The following SLC9C2 variants were observed in gnomAD, a reference collection of about 807,000 sequenced individuals.
SLC9C2 encodes the protein solute carrier family 9 member C2 (putative), also known as sodium/hydrogen exchanger 11.
Under a neutral mutation model 140.2 loss-of-function variants are expected in SLC9C2, and 75 were observed. The observed-to-expected ratio is 0.53, with a 90% CI of 0.44 to 0.65. The LOEUF (loss-of-function observed/expected upper bound fraction) is 0.65. SLC9C2 is among the 30% of genes least tolerant of loss of function. SLC9C2 has a pLI of 0.00. For synonymous variants in SLC9C2, 375 were observed against 420.9 expected (o/e 0.89, Z 1.34); for missense variants, 1,074 against 1,331.8 (o/e 0.81, Z 3.01).
intron 21 of SLC9C2, among the ~76,000 whole-genome samples, chr1:173,523,052 C>G (rs1316456636): frequency 6.6e-6 from 1 of 152,186 alleles, no homozygotes; most frequent in African/African-American, 2.4e-5. Flanking sequence ...TTGTCTGTCT[C>G]CATCCATACA....
At chr1:173,508,767 T>A (rs996282437) in intron 24 of SLC9C2, among the ~76,000 whole-genome samples, 1 of 152,192 alleles carries the variant, frequency 6.6e-6, no homozygotes, top group Non-Finnish European at 1.5e-5. Flanking sequence ...CAATAGTTAC[T>A]AAATAGGATA....
At chr1:173,514,455 A>G (rs550241809) in intron 23 of SLC9C2, among the ~76,000 whole-genome samples, 1 of 152,004 alleles carries the variant, frequency 6.6e-6, no homozygotes, top group Admixed American at 6.6e-5. Flanking sequence ...CCGTTTTGTC[A>G]GAGACTAGTA....
Position 173,529,918 on chromosome 1 carries a change from T to A in SLC9C2, c.2300A>T (p.Glu767Val). ...CTTGTTTCTCACCTGATATATTGATTCACAGACAGCTATTTGTTTTATTAG... is the reference window on the plus strand; with the variant it reads ...CTTGTTTCTCACCTGATATATTGATACACAGACAGCTATTTGTTTTATTAG... ...KLLIKQIAVCESIYQKLCEIL... is the reference protein window; with the variant it reads ...KLLIKQIAVCVSIYQKLCEIL... The change falls in exon 18 of 28, where the codon GAA becomes GTA. Residue 767 changes from glutamate (E) to valine (V), a missense_variant. By Grantham distance (121) the Glu-to-Val change is moderately radical (BLOSUM62 -2). Transcript: ENST00000367714. 6.2e-7 allele frequency: 1 copy of A among 1,609,702 alleles called. No homozygotes were observed. The highest frequency in any genetic ancestry group is 8.5e-7 in the Non-Finnish European group (1 of 1,178,990).
Position 173,555,558 on chromosome 1 carries a change from C to T in SLC9C2, c.1216-744G>A, listed in dbSNP as rs144453465. On this transcript the variant is annotated intron_variant, in intron 10 of 27. Coordinates refer to ENST00000367714, the MANE Select transcript of SLC9C2 (RefSeq NM_178527.4). Reference sequence around the variant, plus strand: ...CTAGGGTGGGATTCTTAACACCAGACAGAATTAAGAAACACTGTGAAATGA... The same window carrying T: ...CTAGGGTGGGATTCTTAACACCAGATAGAATTAAGAAACACTGTGAAATGA... 5.4e-3 allele frequency among the ~76,000 whole-genome samples: 816 copies of T among 152,272 alleles called. 5 individuals carry two copies. The highest frequency in any genetic ancestry group is 0.017 in the African/African-American group (714 of 41,546).
intron 26 of SLC9C2, among the ~76,000 whole-genome samples, 193 bp downstream of exon 26, chr1:173,505,054 G>A (rs776538271): frequency 5.3e-5 from 8 of 152,168 alleles, no homozygotes; most frequent in Non-Finnish European, 1.2e-4. Flanking sequence ...GAGCCACCTG[G>A]ATTTTAGGGT....
At chr1:173,529,138 A>C (rs1486042515) in intron 18 of SLC9C2, among the ~76,000 whole-genome samples, 2 of 152,252 alleles carry the variant, frequency 1.3e-5, no homozygotes, top group Non-Finnish European at 2.9e-5. Flanking sequence ...ACACAACTAG[A>C]AATTTAAAAA....
At position 173,500,597 on chromosome 1, in the gene SLC9C2, A is replaced by C. The variant is rs1290304509; in HGVS notation, c.*497T>G. 1 of 152,230 alleles carries C rather than the reference A, an allele frequency of 6.6e-6. No homozygotes were observed. Among genetic ancestry groups the C allele is most frequent in the East Asian group, 1.9e-4 (1 of 5,200 alleles). The allele number at this position is 152,230 out of a possible 1,614,324, so 9.4% of individuals were successfully genotyped here. ...AAAGCAAAAGTTACTTACTTACTGA[A>C]AGTTACTAAGATTGTGGAATATAAT... is the stretch of plus-strand genomic sequence containing the variant. On this transcript the variant is annotated 3_prime_UTR_variant, in exon 28 of 28. Transcript: ENST00000367714.
intron 21 of SLC9C2, 78 bp from the exon 22 acceptor site, chr1:173,521,477 C>CTATATATATA (rs146332693): frequency 0.016 from 4,073 of 253,982 alleles, 46 homozygotes; most frequent in Non-Finnish European, 0.021. Context: ...TAAATATTTT[C>CTATATATATA]TATATATATA....
chr1:173,568,117 A>G (rs1024540233), intron 9 of SLC9C2, among the ~76,000 whole-genome samples: 1 of 152,124 alleles, frequency 6.6e-6, no homozygotes, highest in African/African-American at 2.4e-5. Context: ...ACACACCACA[A>G]TTACAGCGTT....
rs753657666 is a variant in SLC9C2, at chr1:173,600,173, T to C, written c.172A>G (p.Thr58Ala). The change falls in exon 3 of 28, where the codon ACG (threonine) becomes GCG (alanine). Residue 58 changes from threonine to alanine, a missense_variant. Thr to Ala is a moderately conservative substitution (Grantham distance 58). Coordinates refer to ENST00000367714, the MANE Select transcript of SLC9C2 (RefSeq NM_178527.4). ...CLKNCEVIVL[T>A]ILSLSGFVIG... The stretch of plus-strand genomic sequence containing the variant: ...ACGAATCCTGATAGAGAAAGAATCG[T>C]CAAAACAATGACTTCACAATTCTTT... 6.8e-6 allele frequency: 11 copies of C among 1,612,594 alleles called. No homozygotes were observed. The South Asian group carries it at 8.8e-5, about 13-fold the overall frequency.
intron 25 of SLC9C2, among the ~76,000 whole-genome samples, chr1:173,506,370 C>A (rs1437266373): frequency 6.6e-6 from 1 of 152,192 alleles, no homozygotes; most frequent in African/African-American, 2.4e-5. Flanking sequence ...CCTAGGTGGT[C>A]ACACTTCCTT....
At chr1:173,507,073 C>T (rs199855437) in intron 24 of SLC9C2, 32 bp from the exon 25 acceptor site, 1 of 1,463,940 alleles carries the variant, frequency 6.8e-7, no homozygotes, top group African/African-American at 1.4e-5. Flanking sequence ...GAAAATAAGT[C>T]ATACAAACTG....
At chr1:173,527,398 C>A (rs1661281228) in intron 18 of SLC9C2, among the ~76,000 whole-genome samples, 2 of 152,092 alleles carry the variant, frequency 1.3e-5, no homozygotes, top group South Asian at 4.1e-4. Context: ...TGGCAGTGAG[C>A]CAAGTGAGCA....
chr1:173,511,633 T>C (rs983809543), intron 23 of SLC9C2, among the ~76,000 whole-genome samples: 2 of 152,228 alleles, frequency 1.3e-5, no homozygotes, highest in Non-Finnish European at 2.9e-5. Flanking sequence ...GATAGTTTCT[T>C]TTGCTGTGCA....
At chr1:173,574,415 T>C (rs1322402529) in intron 8 of SLC9C2, among the ~76,000 whole-genome samples, 2 of 151,832 alleles carry the variant, frequency 1.3e-5, no homozygotes, top group African/African-American at 4.8e-5. Flanking sequence ...GAACCCCTAC[T>C]GGGGAAGAGT....
At chr1:173,595,021 T>C (rs1427867268) in intron 4 of SLC9C2, among the ~76,000 whole-genome samples, 5 of 152,186 alleles carry the variant, frequency 3.3e-5, no homozygotes. Context: ...TGCCTCAGCC[T>C]CCTGAGTAGC....
intron 9 of SLC9C2, among the ~76,000 whole-genome samples, chr1:173,558,152 C>T (rs1663840592): frequency 6.6e-6 from 1 of 152,094 alleles, no homozygotes; most frequent in Non-Finnish European, 1.5e-5. Flanking sequence ...AAAGTGAAAA[C>T]AGATGTGTTC....
chr1:173,589,649 G>A (rs769138328), intron 4 of SLC9C2, among the ~76,000 whole-genome samples: 10 of 152,064 alleles, frequency 6.6e-5, no homozygotes, highest in East Asian at 3.9e-4. Context: ...CATTTTGTCC[G>A]AATTTTTAAA....
intron 9 of SLC9C2, among the ~76,000 whole-genome samples, chr1:173,564,611 C>A (rs1021946789): frequency 6.6e-6 from 1 of 151,260 alleles, no homozygotes; most frequent in African/African-American, 2.4e-5. Context: ...AAACTCTCAC[C>A]AGATGGGTAG....
Sources: allele counts gnomAD v4.1 joint callset (sites outside exome capture counted in the v4.1 genomes callset), GRCh38; gene constraint gnomAD v4.1.1; transcripts MANE v1.5; gene names NCBI Gene and HGNC (gene_info 2026-07-23, HGNC 2026-07-21).